Variants in RAB39A observed in about 807,000 individuals in gnomAD.
The protein encoded by RAB39A is RAB39A, member RAS oncogene family.
A neutral mutation model predicts 20.9 loss-of-function variants in RAB39A; 17 were observed. That is an observed-to-expected ratio of 0.81 (90% CI 0.56 to 1.22). The LOEUF (loss-of-function observed/expected upper bound fraction) is 1.22, where lower values mean the gene tolerates loss of function less well. Among genes scored for constraint, RAB39A ranks in the 50% most tolerant of loss-of-function variants. The pLI is 0.00. For synonymous variants in RAB39A, 99 were observed against 103.4 expected, an observed-to-expected ratio of 0.96 and a Z score of 0.26; for missense variants, 234 against 270.5, an observed-to-expected ratio of 0.87 and a Z score of 0.95.
rs78834914 is a variant in RAB39A, at chr11:107,948,793, C to T, written c.228-13153C>T. Among the ~76,000 whole-genome samples the T allele has an allele frequency of 5.3e-3, 810 of 152,228 alleles. 7 individuals carry two copies. Among genetic ancestry groups the T allele is most frequent in the African/African-American group, 0.019 (783 of 41,514 alleles). On this transcript the variant is annotated intron_variant, in intron 1 of 1. Transcript: ENST00000320578. ...ATACTTACCACACATCCTCACTTTT[C>T]CTGTTCCCCCAACTTGTCAATATTG...
chr11:107,948,078 A>G (rs543784193), intron 1 of RAB39A, among the ~76,000 whole-genome samples: 28 of 152,242 alleles, frequency 1.8e-4, no homozygotes, highest in African/African-American at 6.3e-4. Flanking sequence ...GGAACCTCCC[A>G]GGAAGATGGT....
chr11:107,948,356 T>C (rs891654951), intron 1 of RAB39A, among the ~76,000 whole-genome samples: 1 of 152,132 alleles, frequency 6.6e-6, no homozygotes, highest in African/African-American at 2.4e-5. Context: ...GCTTCTTTTT[T>C]TTCTTGACAC....
intron 1 of RAB39A, among the ~76,000 whole-genome samples, chr11:107,956,325 G>A (rs1411023714): frequency 6.6e-6 from 1 of 152,166 alleles, no homozygotes. Context: ...CTAGGTACTT[G>A]AAAACCATTG....
chr11:107,932,803 C>T (rs1861151242), intron 1 of RAB39A, among the ~76,000 whole-genome samples: 1 of 152,154 alleles, frequency 6.6e-6, no homozygotes, highest in African/African-American at 2.4e-5. Context: ...CTATGCCTCC[C>T]AGGTTCAAGC....
rs549037744 is a variant in RAB39A at position 107,939,947 on chromosome 11, C to T, written c.227+11152C>T. Among the ~76,000 whole-genome samples the T allele has an allele frequency of 4.1e-4, 63 of 152,148 alleles. 1 individual carries two copies. Among genetic ancestry groups the T allele is most frequent in the Admixed American group, 1.5e-3 (23 of 15,258 alleles). ...GTGAAGAAAAGTGCTTTACTCAGTC[C>T]GAGAGATGAAATTTCCAGGCATTGT... On this transcript the variant is annotated intron_variant, in intron 1 of 1. Coordinates refer to ENST00000320578, the MANE Select transcript of RAB39A (RefSeq NM_017516.3).
chr11:107,935,081 C>G (rs113780646), intron 1 of RAB39A, among the ~76,000 whole-genome samples: 3 of 152,218 alleles, frequency 2.0e-5, no homozygotes, highest in African/African-American at 7.2e-5. Context: ...TGCTATGCAT[C>G]TTTCTCCTTG....
intron 1 of RAB39A, among the ~76,000 whole-genome samples, chr11:107,946,826 AC>A (rs1861324108): frequency 6.6e-6 from 1 of 151,708 alleles, no homozygotes; most frequent in South Asian, 2.1e-4. Context: ...GGTGGCTCAC[AC>A]CTTTAATCCT....
At chr11:107,946,436 G>GTATATATATA (rs1565464268) in intron 1 of RAB39A, among the ~76,000 whole-genome samples, 1 of 30,480 alleles carries the variant, frequency 3.3e-5, no homozygotes, top group Admixed American at 5.1e-4. Flanking sequence ...GTGTGTGTGT[G>GTATATATATA]TATATATATA....
intron 1 of RAB39A, among the ~76,000 whole-genome samples, chr11:107,961,369 A>T (rs1315830216): frequency 6.6e-6 from 1 of 152,108 alleles, no homozygotes; most frequent in East Asian, 1.9e-4. Context: ...GGTCCCATTC[A>T]CGAGGGTTCC....
chr11:107,928,641 C>T lies in RAB39A; in HGVS notation c.73C>T (p.Leu25=), dbSNP rs776174988. The T allele has an allele frequency of 8.7e-6, 14 of 1,611,848 alleles. No individual in the cohort carries two copies. The South Asian group carries it at 1.4e-4, about 16-fold the overall frequency. ...CTCCACCGTGGGCAAGTCCTGCCTC[C>T]TGCACCGCTTCACCCAGGGCCGCTT... ...GDSTVGKSCL[L]HRFTQGRFPG... The change falls in exon 1 of 2, where the codon CTG becomes TTG. Residue 25 remains leucine, a synonymous_variant. Coordinates refer to ENST00000320578, the MANE Select transcript of RAB39A (RefSeq NM_017516.3). This position sits in a 1 kb window ranked among gnomAD's most constrained non-coding sequence, Gnocchi z 4.9.
chr11:107,962,082 T>G lies in RAB39A; in HGVS notation c.364T>G (p.Phe122Val). The change falls in exon 2 of 2, where the codon TTT (phenylalanine) becomes GTT (valine). Residue 122 changes from phenylalanine to valine, a missense_variant. Phe to Val is a conservative substitution (Grantham distance 50). Transcript: ENST00000320578. ...KMYVQPFRIV[F>V]LLVGHKCDLA... ...GTATGTACAGCCATTTCGGATTGTA[T>G]TTCTGCTAGTGGGACATAAATGTGA... 6.2e-7 allele frequency: 1 copy of G among 1,614,160 alleles called. No homozygotes were observed. The highest frequency in any genetic ancestry group is 8.5e-7 in the Non-Finnish European group (1 of 1,180,022).
At chr11:107,949,048 C>T (rs1861346894) in intron 1 of RAB39A, among the ~76,000 whole-genome samples, 1 of 152,114 alleles carries the variant, frequency 6.6e-6, no homozygotes, top group South Asian at 2.1e-4. Context: ...GGAGCCAGGC[C>T]AATGGCTCAC....
In RAB39A at chr11:107,962,796, G is replaced by A. The variant is rs540077877; in HGVS notation, c.*424G>A. ...TTTAAATATGCACTGTTCACCTGCAGAGTAAACAATCTCAGAAGTATCGAC... is the reference window on the plus strand; with the variant it reads ...TTTAAATATGCACTGTTCACCTGCAAAGTAAACAATCTCAGAAGTATCGAC... On this transcript the variant is annotated 3_prime_UTR_variant, in exon 2 of 2. Transcript: ENST00000320578. The A allele has an allele frequency of 6.5e-6, 1 of 154,132 alleles. No individual in the cohort carries two copies. The highest frequency in any genetic ancestry group is 1.9e-4 in the East Asian group (1 of 5,274). 9.5% of individuals were successfully genotyped at this position (154,132 alleles called of 1,614,324 possible). A position where few individuals can be genotyped will look rare whatever the true frequency, so the allele number is the denominator to read the frequency against.
intron 1 of RAB39A, among the ~76,000 whole-genome samples, chr11:107,946,893 G>T (rs769824238): frequency 3.3e-5 from 5 of 151,950 alleles, no homozygotes; most frequent in Non-Finnish European, 5.9e-5. Flanking sequence ...TTTGAGACCA[G>T]CCTGGCCAAC....
intron 1 of RAB39A, among the ~76,000 whole-genome samples, chr11:107,954,987 C>CTTTT (rs60838211): frequency 3.6e-5 from 2 of 54,860 alleles, no homozygotes; most frequent in Admixed American, 3.4e-4. Context: ...AGAAAGCATG[C>CTTTT]TTTTTTTTTT....
chr11:107,961,311 A>T (rs181342444), intron 1 of RAB39A, among the ~76,000 whole-genome samples: 299 of 152,306 alleles, frequency 2.0e-3, no homozygotes, highest in Middle Eastern at 3.4e-3. Context: ...CTCACATGGT[A>T]GAAAGAGGAC....
At chr11:107,953,698 G>A (rs1017702239) in intron 1 of RAB39A, among the ~76,000 whole-genome samples, 1 of 152,210 alleles carries the variant, frequency 6.6e-6, no homozygotes, top group African/African-American at 2.4e-5. Context: ...AAGTGGAATT[G>A]TGAGAGGCAC....
At chr11:107,933,313 A>ATGTGTGTG (rs60670768) in intron 1 of RAB39A, among the ~76,000 whole-genome samples, 6 of 125,344 alleles carry the variant, frequency 4.8e-5, no homozygotes, top group African/African-American at 1.8e-4. Context: ...ATATATATAT[A>ATGTGTGTG]TGTGTGTGTG....
intron 1 of RAB39A, among the ~76,000 whole-genome samples, chr11:107,932,191 A>G (rs1239112040): frequency 6.6e-6 from 1 of 152,202 alleles, no homozygotes; most frequent in Non-Finnish European, 1.5e-5. Flanking sequence ...TCAGACTAAC[A>G]TGCTAATAGA....
Sources: allele counts gnomAD v4.1 joint callset (sites outside exome capture counted in the v4.1 genomes callset), GRCh38; gene constraint gnomAD v4.1.1; non-coding constraint Gnocchi (gnomAD v3.1); transcripts MANE v1.5; gene names NCBI Gene and HGNC (gene_info 2026-07-23, HGNC 2026-07-21).